The following MCM6 variants were observed in gnomAD, a reference collection of about 807,000 sequenced individuals.
MCM6 encodes DNA replication licensing factor MCM6.
A neutral mutation model predicts 94.3 loss-of-function variants in MCM6; 46 were observed. The observed-to-expected ratio is 0.49, with a 90% CI of 0.39 to 0.62. The LOEUF (loss-of-function observed/expected upper bound fraction) is 0.62. Ranked by LOEUF, MCM6 falls within the 20% of genes least tolerant of loss-of-function variation. The pLI, the probability that MCM6 is intolerant of heterozygous loss-of-function variation, is 0.00. For synonymous variants in MCM6, 335 were observed against 351.9 expected (o/e 0.95, Z 0.54); for missense variants, 865 against 1,017.9 (o/e 0.85, Z 2.04).
intron 8 of MCM6, among the ~76,000 whole-genome samples, chr2:135,862,044 C>T (rs894215699): frequency 4.6e-5 from 7 of 152,002 alleles, no homozygotes; most frequent in Non-Finnish European, 8.8e-5. Context: ...GCATCTATAT[C>T]GGTAATTATT....
intron 3 of MCM6, 26 bp downstream of exon 3, chr2:135,870,224 CT>C (rs1680175340): frequency 1.5e-5 from 24 of 1,563,678 alleles, no homozygotes; most frequent in Non-Finnish European, 1.9e-5. Flanking sequence ...TGGTGAATTC[CT>C]TTTTTTCCAG....
At chr2:135,841,710 T>C (rs1679576069) in intron 16 of MCM6, among the ~76,000 whole-genome samples, 1 of 152,224 alleles carries the variant, frequency 6.6e-6, no homozygotes, top group Non-Finnish European at 1.5e-5. Context: ...ACTCACTCTA[T>C]GTGTTAACAT....
rs1485494706 is a variant in MCM6 at position 135,866,263 on chromosome 2, T to C, written c.796A>G (p.Thr266Ala). 5.0e-6 allele frequency: 8 copies of C among 1,614,154 alleles called. No homozygotes were observed. The highest frequency in any genetic ancestry group is 1.3e-5 in the African/African-American group (1 of 75,042). ...TCAACACCACTGACACGGGAATTAGTTTCTGCACGTGCTCCTGAAACAGAA... is the reference window on the plus strand; with the variant it reads ...TCAACACCACTGACACGGGAATTAGCTTCTGCACGTGCTCCTGAAACAGAA... Reference protein sequence around the residue: ...KLSTPGARAETNSRVSGVDGY... With the variant: ...KLSTPGARAEANSRVSGVDGY... Residue 266 changes from threonine to alanine, a missense_variant, in exon 6 of 17, where the codon ACT (threonine) becomes GCT (alanine). Around this residue, in one of 3 missense-constraint regions of MCM6, gnomAD observed 404 missense variants for 451.9 expected, o/e 0.89. Transcript: ENST00000264156.
At chr2:135,857,457 A>C (rs1044871154) in intron 10 of MCM6, among the ~76,000 whole-genome samples, 1 of 152,174 alleles carries the variant, frequency 6.6e-6, no homozygotes. Context: ...GCAGGGAAAG[A>C]GTTGTCTTTT....
At chr2:135,859,257 G>C in intron 9 of MCM6, 44 bp downstream of exon 9, 1 of 1,513,782 alleles carries the variant, frequency 6.6e-7, no homozygotes, top group Non-Finnish European at 9.1e-7. Context: ...ATAGGGTAGG[G>C]GTATTCTGAC....
Position 135,866,810 on chromosome 2 carries a change from T to C in MCM6, c.616-82A>G, listed in dbSNP as rs529379949. 6.8e-6 allele frequency: 8 copies of C among 1,177,352 alleles called. No individual in the cohort carries two copies. In the South Asian group the frequency reaches 1.1e-4, roughly 16 times the overall value. 72.9% of individuals were successfully genotyped at this position (1,177,352 alleles called of 1,614,324 possible). On this transcript the variant is annotated intron_variant, in intron 4 of 16. Transcript: ENST00000264156. ...TATAATCTAAATTAAATACCACAAA[T>C]ACGGACGTATTCTAAACTATCTGAC...
chr2:135,868,525 C>CTA (rs1680141988), intron 4 of MCM6, 86 bp downstream of exon 4: 3 of 1,381,074 alleles, frequency 2.2e-6, no homozygotes. Flanking sequence ...TTGAGTTGAA[C>CTA]ATTATCTAAA....
intron 10 of MCM6, 129 bp downstream of exon 10, chr2:135,857,768 G>GT (rs1257067579): frequency 2.9e-6 from 2 of 678,846 alleles, no homozygotes; most frequent in Non-Finnish European, 5.1e-6. Context: ...TCTCAGGGCT[G>GT]TATTTTCCAT....
At chr2:135,867,543 A>C (rs4594504) in intron 4 of MCM6, among the ~76,000 whole-genome samples, 26,652 of 152,144 alleles carry the variant, frequency 0.18, 2,676 homozygotes, top group Middle Eastern at 0.39. Context: ...TCATCTGATA[A>C]TAATTATTCC....
At chr2:135,864,526 G>A (rs1680054387) in intron 7 of MCM6, among the ~76,000 whole-genome samples, 2 of 151,988 alleles carry the variant, frequency 1.3e-5, no homozygotes, top group Non-Finnish European at 2.9e-5. Flanking sequence ...AAGGCCAGGA[G>A]ACTAGTCTCG....
At chr2:135,853,862 G>C (rs1021529028) in intron 11 of MCM6, among the ~76,000 whole-genome samples, 2 of 152,146 alleles carry the variant, frequency 1.3e-5, no homozygotes, top group African/African-American at 4.8e-5. Flanking sequence ...TCACGTAAAG[G>C]GTATATGGGT....
At chr2:135,860,443 A>G (rs879642914) in intron 8 of MCM6, among the ~76,000 whole-genome samples, 6 of 152,200 alleles carry the variant, frequency 3.9e-5, no homozygotes, top group Non-Finnish European at 5.9e-5. Flanking sequence ...TAAAACATCA[A>G]TTTTAAAAGA....
intron 12 of MCM6, among the ~76,000 whole-genome samples, chr2:135,852,429 T>G (rs1274270008): frequency 6.6e-6 from 1 of 152,060 alleles, no homozygotes; most frequent in Non-Finnish European, 1.5e-5. Context: ...ATGAATCCAA[T>G]GTTTCCTTCA....
At chr2:135,843,826 C>A (rs1679623699) in intron 16 of MCM6, among the ~76,000 whole-genome samples, 1 of 151,408 alleles carries the variant, frequency 6.6e-6, no homozygotes, top group Non-Finnish European at 1.5e-5. Flanking sequence ...TGACTCAGAA[C>A]CAAGTGAGGA....
At chr2:135,872,459 AC>A (rs2105593366) in intron 2 of MCM6, among the ~76,000 whole-genome samples, 1 of 151,656 alleles carries the variant, frequency 6.6e-6, no homozygotes, top group African/African-American at 2.4e-5. Flanking sequence ...CAAAAAACAA[AC>A]AAACAAACAA....
chr2:135,868,900 C>T lies in MCM6; in HGVS notation c.366-40G>A, dbSNP rs113364023. 11 of 1,583,202 alleles carry T rather than the reference C, an allele frequency of 6.9e-6. No individual in the cohort carries two copies. In the Admixed American group the frequency reaches 1.2e-4, roughly 17 times the overall value. ...ATGTCCCATTAGTAAACATTCATCT[C>T]TTAACTAAGAATCTTTCCATTTTAG... is the stretch of plus-strand genomic sequence containing the variant. On this transcript the variant is annotated intron_variant, in intron 3 of 16. Coordinates refer to ENST00000264156, the MANE Select transcript of MCM6 (RefSeq NM_005915.6).
intron 1 of MCM6, among the ~76,000 whole-genome samples, chr2:135,876,001 A>C (rs1382204543): frequency 6.6e-6 from 1 of 152,236 alleles, no homozygotes; most frequent in African/African-American, 2.4e-5. Context: ...GTGAGCATCA[A>C]GTGACAGAAG....
At chr2:135,856,331 T>C (rs913383762) in intron 11 of MCM6, among the ~76,000 whole-genome samples, 5 of 152,144 alleles carry the variant, frequency 3.3e-5, no homozygotes, top group Admixed American at 3.3e-4. Context: ...TAATCCCAGC[T>C]ACTTGGGAGG....
At chr2:135,873,713 T>C (rs1351602919) in intron 1 of MCM6, among the ~76,000 whole-genome samples, 1 of 152,242 alleles carries the variant, frequency 6.6e-6, no homozygotes, top group African/African-American at 2.4e-5. Flanking sequence ...GCCCTAGGGT[T>C]AACTAACACT....
Sources: allele counts gnomAD v4.1 joint callset (sites outside exome capture counted in the v4.1 genomes callset), GRCh38; gene constraint gnomAD v4.1.1; regional missense constraint gnomAD v4.1.1; transcripts MANE v1.5; gene names NCBI Gene and HGNC (gene_info 2026-07-23, HGNC 2026-07-21).